The following CHP1 variants were observed in gnomAD, a reference collection of about 807,000 sequenced individuals.
CHP1 encodes calcineurin B homologous protein 1.
A neutral mutation model predicts 27.4 loss-of-function variants in CHP1; 11 were observed. The observed-to-expected ratio is 0.40, with a 90% CI of 0.25 to 0.67. The LOEUF (loss-of-function observed/expected upper bound fraction) is 0.67. Ranked by LOEUF, CHP1 falls within the 30% of genes least tolerant of loss-of-function variation. The probability of loss-of-function intolerance (pLI) is 0.38; values close to 1 mark genes in which losing one functional copy is unlikely to be tolerated. For synonymous variants in CHP1, 89 were observed against 87.4 expected (o/e 1.02, Z -0.10); for missense variants, 169 against 251.3 (o/e 0.67, Z 2.22).
chr15:41,275,235 G>A (rs1351036713), intron 5 of CHP1, among the ~76,000 whole-genome samples: 1 of 151,926 alleles, frequency 6.6e-6, no homozygotes, highest in Non-Finnish European at 1.5e-5. Flanking sequence ...TCGGCTCACT[G>A]CAACCTCCAC....
At chr15:41,276,547 T>C (rs1486218818) in intron 5 of CHP1, among the ~76,000 whole-genome samples, 1 of 152,198 alleles carries the variant, frequency 6.6e-6, no homozygotes, top group Non-Finnish European at 1.5e-5. Flanking sequence ...AAGGTGTTAA[T>C]AGAATTCCCA....
chr15:41,279,595 C>T lies in CHP1; in HGVS notation c.*206C>T, dbSNP rs372171183. ...ACAGAATGGTACACCCTATATATTT[C>T]TGTTCAGTATCCATTCACTAGTTCT... On this transcript the variant is annotated 3_prime_UTR_variant, in exon 7 of 7. Transcript: ENST00000334660. 7.5e-5 allele frequency: 40 copies of T among 531,834 alleles called. No homozygotes were observed. In the East Asian group the frequency reaches 8.7e-4, roughly 12 times the overall value. The allele number at this position is 531,834 out of a possible 1,614,324, so 32.9% of individuals were successfully genotyped here. A position where few individuals can be genotyped will look rare whatever the true frequency, so the allele number is the denominator to read the frequency against.
At chr15:41,269,453 C>T (rs553589791) in intron 4 of CHP1, among the ~76,000 whole-genome samples, 3 of 152,180 alleles carry the variant, frequency 2.0e-5, no homozygotes, top group South Asian at 2.1e-4. Flanking sequence ...GCCTAATAAT[C>T]GCTCTGCCTG....
At chr15:41,262,626 C>G in intron 3 of CHP1, 130 bp from the exon 4 acceptor site, 1 of 1,169,276 alleles carries the variant, frequency 8.6e-7, no homozygotes, top group Non-Finnish European at 1.2e-6. Context: ...AAGTACCATG[C>G]GTATGGAAAG....
At chr15:41,269,223 T>C (rs939807229) in intron 4 of CHP1, among the ~76,000 whole-genome samples, 6 of 150,974 alleles carry the variant, frequency 4.0e-5, no homozygotes, top group African/African-American at 1.5e-4. Context: ...ATAAATAAAA[T>C]AAAATAAACC....
chr15:41,270,950 G>C (rs1467274855), intron 5 of CHP1, among the ~76,000 whole-genome samples: 3 of 152,140 alleles, frequency 2.0e-5, no homozygotes, highest in South Asian at 4.1e-4. Context: ...CCCATTTCTA[G>C]TAAAAATACA....
intron 1 of CHP1, among the ~76,000 whole-genome samples, chr15:41,234,582 T>C (rs2047267732): frequency 6.6e-6 from 1 of 152,194 alleles, no homozygotes; most frequent in African/African-American, 2.4e-5. Context: ...CATGACTAGA[T>C]TAGCTGGTAT....
At chr15:41,248,973 G>A (rs6492997) in intron 2 of CHP1, among the ~76,000 whole-genome samples, 77,296 of 151,808 alleles carry the variant, frequency 0.51, 21,432 homozygotes, top group African/African-American at 0.74. Flanking sequence ...CCTTCTCTCA[G>A]CCCTCTCCTC....
At chr15:41,264,131 C>T (rs1401281059) in intron 4 of CHP1, 3 of 1,190,656 alleles carry the variant, frequency 2.5e-6, no homozygotes, top group East Asian at 5.7e-5. Context: ...CAGTTGTTAA[C>T]AGGGCTTTTT....
intron 1 of CHP1, among the ~76,000 whole-genome samples, chr15:41,235,860 G>T (rs2047274257): frequency 2.0e-5 from 3 of 152,170 alleles, no homozygotes; most frequent in South Asian, 2.1e-4. Flanking sequence ...CAGCCTGAAG[G>T]TTCTGTCACT....
At chr15:41,264,721 A>G (rs951593160) in intron 4 of CHP1, among the ~76,000 whole-genome samples, 4 of 152,222 alleles carry the variant, frequency 2.6e-5, no homozygotes, top group Non-Finnish European at 5.9e-5. Context: ...CTGGGATTAC[A>G]GGCATGAGCC....
intron 1 of CHP1, among the ~76,000 whole-genome samples, chr15:41,240,023 G>A (rs1028108462): frequency 1.3e-5 from 2 of 151,814 alleles, no homozygotes; most frequent in South Asian, 2.1e-4. Flanking sequence ...TGATCCGCCC[G>A]CCTCGGCCTC....
intron 2 of CHP1, among the ~76,000 whole-genome samples, chr15:41,245,170 ACTT>A (rs1243060927): frequency 2.0e-5 from 3 of 151,960 alleles, no homozygotes; most frequent in East Asian, 1.9e-4. Flanking sequence ...CTCATAACTG[ACTT>A]CTTCTGGCTG....
chr15:41,264,414 A>T (rs1437346299), intron 4 of CHP1, among the ~76,000 whole-genome samples: 1 of 152,108 alleles, frequency 6.6e-6, no homozygotes, highest in African/African-American at 2.4e-5. Flanking sequence ...ACAAAGTGCT[A>T]TGCAGGTTAT....
At chr15:41,236,561 C>CT (rs1382453582) in intron 1 of CHP1, among the ~76,000 whole-genome samples, 1 of 152,066 alleles carries the variant, frequency 6.6e-6, no homozygotes, top group African/African-American at 2.4e-5. Flanking sequence ...TGGCCAGGAA[C>CT]TTTTTTGCGG....
chr15:41,247,871 A>C (rs927602846), intron 2 of CHP1, among the ~76,000 whole-genome samples: 6 of 151,838 alleles, frequency 4.0e-5, no homozygotes, highest in Non-Finnish European at 7.4e-5. Flanking sequence ...CGGGAGGCTG[A>C]GGCAGGAGAA....
At chr15:41,251,901 C>T (rs2047369402) in intron 2 of CHP1, among the ~76,000 whole-genome samples, 1 of 150,954 alleles carries the variant, frequency 6.6e-6, no homozygotes, top group Non-Finnish European at 1.5e-5. Flanking sequence ...TGCCACTATG[C>T]CTGGCTTATT....
At chr15:41,238,806 C>G (rs577632730) in intron 1 of CHP1, among the ~76,000 whole-genome samples, 58 of 152,062 alleles carry the variant, frequency 3.8e-4, no homozygotes, top group African/African-American at 1.3e-3. Flanking sequence ...GAGCCAAGAT[C>G]GCGCCACTGC....
Position 41,246,908 on chromosome 15 carries a change from G to A in CHP1, c.140+3169G>A, listed in dbSNP as rs1049880116. Reference sequence around the variant, plus strand: ...ATCTCAAAAAATTAAAAAAAAGCCCGGGTGTGGTGGCTCACACCTGTAATC... The same window carrying A: ...ATCTCAAAAAATTAAAAAAAAGCCCAGGTGTGGTGGCTCACACCTGTAATC... On this transcript the variant is annotated intron_variant, in intron 2 of 6. Coordinates refer to ENST00000334660, the MANE Select transcript of CHP1 (RefSeq NM_007236.5). Among the ~76,000 whole-genome samples, 10 of 150,940 alleles carry A rather than the reference G, an allele frequency of 6.6e-5. No homozygotes were observed. In the South Asian group the frequency reaches 8.4e-4, roughly 13 times the overall value.
Sources: allele counts gnomAD v4.1 joint callset (sites outside exome capture counted in the v4.1 genomes callset), GRCh38; gene constraint gnomAD v4.1.1; transcripts MANE v1.5; gene names NCBI Gene and HGNC (gene_info 2026-07-23, HGNC 2026-07-21).